MANBA: variants seen among roughly 807,000 people sequenced by gnomAD.
MANBA encodes beta-mannosidase.
Under a neutral mutation model 111.1 loss-of-function variants are expected in MANBA, and 83 were observed. That is an observed-to-expected ratio of 0.75 (90% CI 0.63 to 0.90). The LOEUF is 0.90. Among genes scored for constraint, MANBA ranks in the 40% least tolerant of loss-of-function variants. MANBA has a pLI of 0.00. For synonymous variants in MANBA, 370 were observed against 378.7 expected (o/e 0.98, Z 0.27); for missense variants, 1,036 against 1,069.0 (o/e 0.97, Z 0.43).
At chr4:102,739,210 G>T (rs560747031) in intron 1 of MANBA, among the ~76,000 whole-genome samples, 2 of 152,156 alleles carry the variant, frequency 1.3e-5, no homozygotes, top group South Asian at 4.2e-4. Context: ...TAGAGGAAAT[G>T]GATAAATTCC....
intron 1 of MANBA, among the ~76,000 whole-genome samples, chr4:102,756,881 C>G (rs1560818422): frequency 6.6e-6 from 1 of 150,810 alleles, no homozygotes; most frequent in Admixed American, 6.6e-5. Flanking sequence ...TGAGAACATT[C>G]CTAACAAGGG....
At chr4:102,695,673 G>GC (rs996842722) in intron 5 of MANBA, among the ~76,000 whole-genome samples, 2 of 152,166 alleles carry the variant, frequency 1.3e-5, no homozygotes, top group African/African-American at 4.8e-5. Context: ...CAGTGGACAG[G>GC]CCAAGGGTCC....
intron 9 of MANBA, chr4:102,670,961 T>C (rs986922076): frequency 6.0e-6 from 1 of 165,820 alleles, no homozygotes; most frequent in Non-Finnish European, 1.3e-5. Context: ...TTAGGTTTCG[T>C]CAGATCTCCT....
intron 12 of MANBA, among the ~76,000 whole-genome samples, chr4:102,656,758 A>G (rs1293866130): frequency 1.3e-5 from 2 of 152,238 alleles, no homozygotes; most frequent in Non-Finnish European, 2.9e-5. Flanking sequence ...AATAAAAAAA[A>G]GGAACATACT....
chr4:102,739,437 C>A (rs1000266544), intron 1 of MANBA, among the ~76,000 whole-genome samples: 1 of 152,082 alleles, frequency 6.6e-6, no homozygotes, highest in Non-Finnish European at 1.5e-5. Context: ...AGAGGGAATC[C>A]TCCCTAAATA....
chr4:102,755,723 C>A (rs965277565), intron 1 of MANBA, among the ~76,000 whole-genome samples: 4 of 152,202 alleles, frequency 2.6e-5, no homozygotes, highest in Non-Finnish European at 4.4e-5. Flanking sequence ...ATCTATCCAT[C>A]TGACAAAGGG....
rs192917930 is a variant in MANBA, at chr4:102,647,332, T to C, written c.1869+3205A>G. ...TCTGAGCCAAAGCCTGAGAGGACAC[T>C]AGTGCTAAATTCTCAGACAAAACCA... On this transcript the variant is annotated intron_variant, in intron 13 of 16. Transcript: ENST00000647097. 1.1e-4 allele frequency among the ~76,000 whole-genome samples: 17 copies of C among 150,178 alleles called. No individual in the cohort carries two copies. The East Asian group carries it at 3.3e-3, about 29-fold the overall frequency.
At chr4:102,739,415 A>G (rs971386877) in intron 1 of MANBA, among the ~76,000 whole-genome samples, 4 of 152,212 alleles carry the variant, frequency 2.6e-5, no homozygotes, top group African/African-American at 9.6e-5. Flanking sequence ...AAATACTCCA[A>G]AAAATAGAGA....
At chr4:102,716,519 T>C (rs889320174) in intron 4 of MANBA, among the ~76,000 whole-genome samples, 3 of 152,106 alleles carry the variant, frequency 2.0e-5, no homozygotes, top group Non-Finnish European at 4.4e-5. Context: ...CCAATCTTAT[T>C]TGACCTGGGT....
At chr4:102,650,187 T>C (rs1034091927) in intron 13 of MANBA, among the ~76,000 whole-genome samples, 1 of 152,242 alleles carries the variant, frequency 6.6e-6, no homozygotes, top group African/African-American at 2.4e-5. Flanking sequence ...GGTGTCCATA[T>C]TATACAGTGA....
chr4:102,701,117 C>T (rs895378438), intron 5 of MANBA, among the ~76,000 whole-genome samples: 1 of 152,016 alleles, frequency 6.6e-6, no homozygotes, highest in African/African-American at 2.4e-5. Flanking sequence ...TATGTAATGG[C>T]CTTCTTTGTC....
At chr4:102,729,650 G>A (rs1321571975) in intron 1 of MANBA, 19 of 1,403,114 alleles carry the variant, frequency 1.4e-5, no homozygotes, top group Non-Finnish European at 1.9e-5. Flanking sequence ...TGTTCTTGAA[G>A]TCCTCCACCA....
intron 1 of MANBA, chr4:102,734,621 G>A (rs1251493919): frequency 6.3e-7 from 1 of 1,583,190 alleles, no homozygotes; most frequent in Non-Finnish European, 8.7e-7. Context: ...GGTAGAAGAG[G>A]AGGCCCGAGG....
At chr4:102,753,391 TAA>T (rs1723881420) in intron 1 of MANBA, among the ~76,000 whole-genome samples, 1 of 152,154 alleles carries the variant, frequency 6.6e-6, no homozygotes, top group Admixed American at 6.5e-5. Flanking sequence ...TACGTATTTT[TAA>T]AAGAATTTTA....
At chr4:102,731,290 T>C (rs1276111108) in intron 1 of MANBA, among the ~76,000 whole-genome samples, 2 of 152,080 alleles carry the variant, frequency 1.3e-5, no homozygotes, top group Non-Finnish European at 2.9e-5. Context: ...CAGCAGTCTC[T>C]CATTGCCCTG....
At chr4:102,743,460 T>A (rs988413196) in intron 1 of MANBA, among the ~76,000 whole-genome samples, 7 of 152,210 alleles carry the variant, frequency 4.6e-5, no homozygotes, top group Non-Finnish European at 8.8e-5. Context: ...GGGTGGTGCC[T>A]GCATATCGTG....
chr4:102,731,185 TAA>T (rs1272521828), intron 1 of MANBA, among the ~76,000 whole-genome samples: 4 of 137,088 alleles, frequency 2.9e-5, no homozygotes, highest in Non-Finnish European at 3.2e-5. Flanking sequence ...CTGAAAGAAT[TAA>T]AAAAAAAAAA....
intron 7 of MANBA, among the ~76,000 whole-genome samples, chr4:102,684,300 GAA>G (rs1390301068): frequency 6.6e-6 from 1 of 152,152 alleles, no homozygotes; most frequent in Non-Finnish European, 1.5e-5. Flanking sequence ...CTGGTGATGA[GAA>G]AACAGTGTTC....
intron 7 of MANBA, among the ~76,000 whole-genome samples, chr4:102,688,609 G>A (rs552436105): frequency 3.5e-4 from 53 of 152,168 alleles, no homozygotes; most frequent in Non-Finnish European, 8.8e-5. Flanking sequence ...TCTTTGAAGA[G>A]GGTTAATACC....
Sources: allele counts gnomAD v4.1 joint callset (sites outside exome capture counted in the v4.1 genomes callset), GRCh38; gene constraint gnomAD v4.1.1; transcripts MANE v1.5; gene names NCBI Gene and HGNC (gene_info 2026-07-23, HGNC 2026-07-21).